NBEA: variants seen among roughly 807,000 people sequenced by gnomAD.
The protein encoded by NBEA is lysosomal-trafficking regulator 2.
Under a neutral mutation model 343.4 loss-of-function variants are expected in NBEA, and 44 were observed. The ratio of observed to expected loss-of-function variants is 0.13; its 90% CI spans 0.10 to 0.16. The LOEUF is 0.16. Among genes scored for constraint, NBEA ranks in the 10% least tolerant of loss-of-function variants. NBEA has a pLI of 1.00. For synonymous variants in NBEA, 1,175 were observed against 1,238.7 expected, an observed-to-expected ratio of 0.95 and a Z score of 1.08; for missense variants, 2,555 against 3,631.3, an observed-to-expected ratio of 0.70 and a Z score of 7.62.
At chr13:35,432,245 T>TA in intron 38 of NBEA, 24 bp from the exon 39 acceptor site, 1 of 1,569,392 alleles carries the variant, frequency 6.4e-7, no homozygotes. Flanking sequence ...TAATAGGGAT[T>TA]ACTTTTTTTC....
At chr13:35,037,174 T>C (rs1234914972) in intron 1 of NBEA, among the ~76,000 whole-genome samples, 1 of 152,198 alleles carries the variant, frequency 6.6e-6, no homozygotes, top group East Asian at 1.9e-4. Flanking sequence ...CAGTCTGCTC[T>C]TAAAGGACTT....
At chr13:35,494,469 T>C (rs1330191678) in intron 41 of NBEA, among the ~76,000 whole-genome samples, 1 of 152,008 alleles carries the variant, frequency 6.6e-6, no homozygotes, top group Admixed American at 6.6e-5. Flanking sequence ...GTTTTTCCCA[T>C]TACTTTTCAT....
intron 10 of NBEA, among the ~76,000 whole-genome samples, chr13:35,092,274 A>G (rs932993338): frequency 4.6e-5 from 7 of 152,026 alleles, no homozygotes; most frequent in Non-Finnish European, 1.0e-4. Flanking sequence ...TAAAACTTTT[A>G]TGGGAAACGT....
At chr13:34,952,204 C>T (rs940911579) in intron 1 of NBEA, among the ~76,000 whole-genome samples, 1 of 152,118 alleles carries the variant, frequency 6.6e-6, no homozygotes, top group Admixed American at 6.6e-5. Context: ...CCAAAAACAG[C>T]ATGTATGAAG....
intron 38 of NBEA, among the ~76,000 whole-genome samples, chr13:35,420,660 G>A (rs2044215598): frequency 6.6e-6 from 1 of 151,902 alleles, no homozygotes; most frequent in Non-Finnish European, 1.5e-5. Flanking sequence ...GGGGAAAGAG[G>A]AGTAAACATC....
chr13:35,222,209 A>C (rs1430972883), intron 33 of NBEA, among the ~76,000 whole-genome samples: 1 of 152,188 alleles, frequency 6.6e-6, no homozygotes, highest in South Asian at 2.1e-4. Context: ...TAATAGAAAA[A>C]TGTGTAACTT....
rs373085724 is a variant in NBEA at position 35,348,524 on chromosome 13, A to G, written c.5904-584A>G. Among the ~76,000 whole-genome samples the G allele has an allele frequency of 1.1e-4, 16 of 152,150 alleles. 1 individual carries two copies. Among genetic ancestry groups the G allele is most frequent in the African/African-American group, 3.9e-4 (16 of 41,552 alleles). On this transcript the variant is annotated intron_variant, in intron 36 of 58. Coordinates refer to ENST00000379939, the MANE Select transcript of NBEA (RefSeq NM_001385012.1). ...ACTTCTGTAGTTAAAAAAGTCAGCT[A>G]TATGGTTGAACTTTAACTGTAGTTC...
At chr13:34,977,333 G>A (rs148535558) in intron 1 of NBEA, among the ~76,000 whole-genome samples, 1,524 of 149,970 alleles carry the variant, frequency 0.01, 9 homozygotes, top group Middle Eastern at 0.024. Flanking sequence ...TTTTGAGATG[G>A]AGTCTGTCTC....
intron 51 of NBEA, among the ~76,000 whole-genome samples, chr13:35,647,700 G>A (rs1019150433): frequency 3.9e-5 from 6 of 151,924 alleles, no homozygotes; most frequent in Non-Finnish European, 8.8e-5. Context: ...CCGAGTAGCC[G>A]GGATTACAGG....
chr13:35,111,065 A>G (rs990189673), intron 13 of NBEA, 87 bp downstream of exon 13: 2 of 1,081,956 alleles, frequency 1.8e-6, no homozygotes, highest in African/African-American at 1.6e-5. Flanking sequence ...GTACATGACT[A>G]TGAAATCACT....
chr13:35,474,281 A>T (rs1248755418), intron 41 of NBEA: 2 of 152,646 alleles, frequency 1.3e-5, no homozygotes, highest in Admixed American at 6.5e-5. Context: ...AAAAGTAATT[A>T]TCCAGTGTAT....
chr13:35,371,247 A>C (rs1323027100), intron 38 of NBEA, among the ~76,000 whole-genome samples: 1 of 152,090 alleles, frequency 6.6e-6, no homozygotes, highest in East Asian at 1.9e-4. Flanking sequence ...GACACTAAAA[A>C]TTCAAATATT....
chr13:35,045,185 G>A lies in NBEA; in HGVS notation c.628-121G>A, dbSNP rs548722401. 1.1e-5 allele frequency: 13 copies of A among 1,197,080 alleles called. 1 individual carries two copies. In the South Asian group the frequency reaches 1.4e-4, roughly 13 times the overall value. 74.2% of individuals were successfully genotyped at this position (1,197,080 alleles called of 1,614,324 possible). On this transcript the variant is annotated intron_variant, in intron 3 of 58. Transcript: ENST00000379939. ...TCTTAAATGATTTAGTAAATGTTTTGTAAATGATTTAAAATTAATTTTTCT... is the reference window on the plus strand; with the variant it reads ...TCTTAAATGATTTAGTAAATGTTTTATAAATGATTTAAAATTAATTTTTCT...
chr13:34,942,927 G>C lies in NBEA; in HGVS notation c.107G>C (p.Gly36Ala). ...GGCGGCGGGGGCAGCGGTGGTGGCG[G>C]CACCGGGGGCAGCGGGATGGGGGAG... Reference protein sequence around the residue: ...GGGGGGSGGGGTGGSGMGELR... With the variant: ...GGGGGGSGGGATGGSGMGELR... The change falls in exon 1 of 59, where the codon GGC (glycine) becomes GCC (alanine). Residue 36 changes from glycine (G) to alanine (A), a missense_variant. Around this residue, in one of 21 missense-constraint regions of NBEA, gnomAD observed 122 missense variants for 91.0 expected, o/e 1.34. Transcript: ENST00000379939. The C allele has an allele frequency of 6.5e-7, 1 of 1,541,156 alleles. No individual in the cohort carries two copies. Among genetic ancestry groups the C allele is most frequent in the Non-Finnish European group, 8.7e-7 (1 of 1,143,108 alleles).
At chr13:35,646,235 A>G in intron 50 of NBEA, 24 bp from the exon 51 acceptor site, 2 of 1,555,480 alleles carry the variant, frequency 1.3e-6, no homozygotes, top group Non-Finnish European at 1.8e-6. Context: ...ATTGATTATG[A>G]CAATCACCCT....
intron 38 of NBEA, among the ~76,000 whole-genome samples, chr13:35,372,505 T>C (rs1016504219): frequency 6.6e-6 from 1 of 152,140 alleles, no homozygotes; most frequent in African/African-American, 2.4e-5. Flanking sequence ...TACATGCATA[T>C]GCTGGCTGAG....
intron 36 of NBEA, among the ~76,000 whole-genome samples, chr13:35,347,324 TA>T (rs2039936204): frequency 3.3e-5 from 5 of 152,050 alleles, no homozygotes; most frequent in South Asian, 4.1e-4. Context: ...AAAAAGTTGA[TA>T]TATTTCATTA....
chr13:35,337,131 A>AT (rs1305951555), intron 36 of NBEA, among the ~76,000 whole-genome samples: 8 of 152,290 alleles, frequency 5.3e-5, no homozygotes, highest in Middle Eastern at 3.4e-3. Context: ...GAAAACAAAT[A>AT]GAAAAATGGC....
chr13:35,587,454 C>A (rs1423697486), intron 46 of NBEA, among the ~76,000 whole-genome samples: 3 of 152,074 alleles, frequency 2.0e-5, no homozygotes, highest in African/African-American at 7.2e-5. Context: ...ACAATCATTG[C>A]CTTAGTGAGC....
Sources: gnomAD v4.1 joint callset for allele counts (sites outside exome capture counted in the v4.1 genomes callset) on GRCh38, gnomAD v4.1.1 for gene constraint, gnomAD v4.1.1 regional missense constraint, MANE v1.5 for transcripts, NCBI Gene and HGNC (gene_info 2026-07-23, HGNC 2026-07-21) for gene names.